VAMP2: variants seen among roughly 807,000 people sequenced by gnomAD.
VAMP2 encodes vesicle-associated membrane protein 2.
For missense variants in VAMP2, 95 were observed against 151.3 expected, an observed-to-expected ratio of 0.63 and a Z score of 1.95; for synonymous variants, 67 against 57.3, an observed-to-expected ratio of 1.17 and a Z score of -0.76.
chr17:8,161,336 A>G, intron 4 of VAMP2, 137 bp downstream of exon 4: 5 of 1,284,488 alleles, frequency 3.9e-6, no homozygotes, highest in Non-Finnish European at 5.3e-6. Flanking sequence ...TTGGCTCTAG[A>G]TGAATCAGAA....
intron 4 of VAMP2, 126 bp from the exon 5 acceptor site, chr17:8,160,997 T>C: frequency 1.3e-6 from 1 of 778,308 alleles, no homozygotes; most frequent in South Asian, 1.7e-5. Flanking sequence ...TGACACCCTC[T>C]CTTGGACTCA....
intron 2 of VAMP2, 34 bp downstream of exon 2, chr17:8,162,215 C>T: frequency 1.3e-6 from 2 of 1,505,508 alleles, no homozygotes; most frequent in Non-Finnish European, 1.8e-6. Flanking sequence ...CCCCCAGGGT[C>T]CCTCCTACTG....
At chr17:8,159,147 C>T (rs1314248508), downstream of VAMP2, 1 of 151,746 alleles carries the variant, frequency 6.6e-6, no homozygotes, top group Non-Finnish European at 1.5e-5. Flanking sequence ...TTAGACAACA[C>T]CTGGTTACTC....
In VAMP2 at chr17:8,160,876, GGA is replaced by G. The variant is rs755768049; in HGVS notation, c.335-7_335-6del. 1.1e-5 allele frequency: 17 copies of G among 1,609,250 alleles called. No individual in the cohort carries two copies. Among genetic ancestry groups the G allele is most frequent in the Admixed American group, 3.3e-5 (2 of 59,834 alleles). ...GGATTTAAGTGCTGAAGTAAACTGTGGAGAGAGGGGAAGAAGATGAGGAAGAG... is the reference window on the plus strand; with the variant it reads ...GGATTTAAGTGCTGAAGTAAACTGTGGAGAGGGGAAGAAGATGAGGAAGAG... On this transcript the variant is annotated splice_region_variant and splice_polypyrimidine_tract_variant and intron_variant, in intron 4 of 4. Transcript: ENST00000316509.
At chr17:8,161,566 C>T in intron 3 of VAMP2, 42 bp from the exon 4 acceptor site, 1 of 1,613,992 alleles carries the variant, frequency 6.2e-7, no homozygotes, top group Non-Finnish European at 8.5e-7. Flanking sequence ...AACTATGATA[C>T]CCCATTCACC....
rs1476827091 is a variant in VAMP2 at position 8,160,486 on chromosome 17, T to C, written c.*369A>G. ...GGCCAGGGTGGGAGGAAGGATCAGC[T>C]AAATCTGAGGGAAGAAGAAGGAAAG... On this transcript the variant is annotated 3_prime_UTR_variant, in exon 5 of 5. Coordinates refer to ENST00000316509, the MANE Select transcript of VAMP2 (RefSeq NM_014232.3). The C allele has an allele frequency of 7.2e-6, 1 of 138,768 alleles. No homozygotes were observed. The highest frequency in any genetic ancestry group is 1.5e-5 in the Non-Finnish European group (1 of 66,320). 8.6% of individuals were successfully genotyped at this position (138,768 alleles called of 1,614,324 possible).
rs1272299055 is a variant in VAMP2 at position 8,160,683 on chromosome 17, AATATT to A, written c.*167_*171del. ...AACTACAAACAGACCAAATATATATAATATTATATATGTATAAATAACAGCTGGCT... is the reference window on the plus strand; with the variant it reads ...AACTACAAACAGACCAAATATATATAATATATGTATAAATAACAGCTGGCT... On this transcript the variant is annotated 3_prime_UTR_variant, in exon 5 of 5. Coordinates refer to ENST00000316509, the MANE Select transcript of VAMP2 (RefSeq NM_014232.3). The A allele has an allele frequency of 1.7e-5, 7 of 403,728 alleles. No homozygotes were observed. The highest frequency in any genetic ancestry group is 2.9e-5 in the Non-Finnish European group (7 of 239,486). The allele number at this position is 403,728 out of a possible 1,614,324, so 25.0% of individuals were successfully genotyped here.
Position 8,160,721 on chromosome 17 carries a change from G to T in VAMP2, c.*134C>A, listed in dbSNP as rs1393822989. ...TATAAATAACAGCTGGCTATTTACA[G>T]GGGGACACACACACGGACACACACA... On this transcript the variant is annotated 3_prime_UTR_variant, in exon 5 of 5. Coordinates refer to ENST00000316509, the MANE Select transcript of VAMP2 (RefSeq NM_014232.3). The T allele has an allele frequency of 1.3e-5, 9 of 684,660 alleles. No homozygotes were observed. The East Asian group carries it at 2.6e-4, about 20-fold the overall frequency. The allele number at this position is 684,660 out of a possible 1,614,324, so 42.4% of individuals were successfully genotyped here.
At chr17:8,161,566 C>A (rs1319790215) in intron 3 of VAMP2, 42 bp from the exon 4 acceptor site, 2 of 1,613,992 alleles carry the variant, frequency 1.2e-6, no homozygotes, top group South Asian at 1.1e-5. Flanking sequence ...AACTATGATA[C>A]CCCATTCACC....
chr17:8,162,903 T>G lies in VAMP2; in HGVS notation c.-24A>C. On this transcript the variant is annotated 5_prime_UTR_variant, in exon 1 of 5. Coordinates refer to ENST00000316509, the MANE Select transcript of VAMP2 (RefSeq NM_014232.3). ...ATGGCGGGGGCAGCGGGTGGAGGAC[T>G]TGGCAGCGGCAGTGATGGCGGCGGC... is the stretch of plus-strand genomic sequence containing the variant. 1 of 1,210,296 alleles carries G rather than the reference T, an allele frequency of 8.3e-7. No homozygotes were observed. The highest frequency in any genetic ancestry group is 1.6e-5 in the African/African-American group (1 of 63,534). The allele number at this position is 1,210,296 out of a possible 1,614,324, so 75.0% of individuals were successfully genotyped here.
In VAMP2 at chr17:8,162,864, G is replaced by A; in HGVS notation, c.2+14C>T. On this transcript the variant is annotated intron_variant, in intron 1 of 4. Coordinates refer to ENST00000316509, the MANE Select transcript of VAMP2 (RefSeq NM_014232.3). Reference sequence around the variant, plus strand: ...GCAGGGAAGCGCGGTGAGGGTGGCGGGCGGCCGACTCACATGGCGGGGGCA... The same window carrying A: ...GCAGGGAAGCGCGGTGAGGGTGGCGAGCGGCCGACTCACATGGCGGGGGCA... 1.6e-6 allele frequency: 2 copies of A among 1,213,838 alleles called. No individual in the cohort carries two copies. Among genetic ancestry groups the A allele is most frequent in the Non-Finnish European group, 2.0e-6 (2 of 976,316 alleles). The allele number at this position is 1,213,838 out of a possible 1,614,324, so 75.2% of individuals were successfully genotyped here. A position where few individuals can be genotyped will look rare whatever the true frequency, so the allele number is the denominator to read the frequency against.
In VAMP2 at chr17:8,161,492, G is replaced by A. The variant is rs750686969; in HGVS notation, c.315C>T (p.Ile105=). Residue 105 remains isoleucine, a synonymous_variant, in exon 4 of 5, where the codon ATC becomes ATT. Coordinates refer to ENST00000316509, the MANE Select transcript of VAMP2 (RefSeq NM_014232.3). The part of the protein sequence containing the change: ...MMIILGVICA[I]ILIIIIVYFS... Reference sequence around the variant, plus strand: ...ACTCACCTATGATGATGATGAGGATGATGGCGCAAATCACTCCCAAGATGA... The same window carrying A: ...ACTCACCTATGATGATGATGAGGATAATGGCGCAAATCACTCCCAAGATGA... 1.9e-6 allele frequency: 3 copies of A among 1,614,192 alleles called. No individual in the cohort carries two copies. Among genetic ancestry groups the A allele is most frequent in the Non-Finnish European group, 2.5e-6 (3 of 1,180,024 alleles).
chr17:8,162,836 G>C, intron 1 of VAMP2, 42 bp downstream of exon 1: 1 of 1,214,152 alleles, frequency 8.2e-7, no homozygotes, highest in Non-Finnish European at 1.0e-6. Flanking sequence ...GGCGGCGGCC[G>C]GCGCAGGGAA....
Position 8,160,394 on chromosome 17 carries a change from T to TTTTTTTTTGTTTG in VAMP2, c.*460_*461insCAAACAAAAAAAA, listed in dbSNP as rs1567543395. 1 of 129,452 alleles carries TTTTTTTTTGTTTG rather than the reference T, an allele frequency of 7.7e-6. No individual in the cohort carries two copies. Among genetic ancestry groups the TTTTTTTTTGTTTG allele is most frequent in the Non-Finnish European group, 1.7e-5 (1 of 59,738 alleles). The allele number at this position is 129,452 out of a possible 1,614,324, so 8.0% of individuals were successfully genotyped here. A position where few individuals can be genotyped will look rare whatever the true frequency, so the allele number is the denominator to read the frequency against. Reference sequence around the variant, plus strand: ...CAGGTGCTGTTGTTTTTTTTTTTTTTTTTTTTTTTTTGAGGGCGGGGCAGA... The same window carrying TTTTTTTTTGTTTG: ...CAGGTGCTGTTGTTTTTTTTTTTTTTTTTTTTTTGTTTGTTTTTTTTTTTGAGGGCGGGGCAGA... On this transcript the variant is annotated 3_prime_UTR_variant, in exon 5 of 5. Coordinates refer to ENST00000316509, the MANE Select transcript of VAMP2 (RefSeq NM_014232.3).
Position 8,159,298 on chromosome 17 carries a change from A to T in VAMP2, c.*1557T>A, listed in dbSNP as rs1983218258. On this transcript the variant is annotated 3_prime_UTR_variant, in exon 5 of 5. Transcript: ENST00000316509. ...CACCCCCACCTCCAGCATCTCTCCT[A>T]CCCTTTCACACCACAGCTTAGATAT... The T allele has an allele frequency of 6.6e-6, 1 of 151,758 alleles. No homozygotes were observed. The allele number at this position is 151,758 out of a possible 1,614,324, so 9.4% of individuals were successfully genotyped here.
In VAMP2 at chr17:8,159,277, C is replaced by G. The variant is rs1483190380; in HGVS notation, c.*1578G>C. 6.6e-6 allele frequency: 1 copy of G among 152,026 alleles called. No individual in the cohort carries two copies. Among genetic ancestry groups the G allele is most frequent in the South Asian group, 2.1e-4 (1 of 4,822 alleles). 9.4% of individuals were successfully genotyped at this position (152,026 alleles called of 1,614,324 possible). ...TATGGGGGGTCTAAAACACAGCACC[C>G]CCACCTCCAGCATCTCTCCTACCCT... is the stretch of plus-strand genomic sequence containing the variant. On this transcript the variant is annotated 3_prime_UTR_variant, in exon 5 of 5. Transcript: ENST00000316509.
rs1326958354 is a variant in VAMP2 at position 8,160,346 on chromosome 17, A to T, written c.*509T>A. 3 of 144,386 alleles carry T rather than the reference A, an allele frequency of 2.1e-5. No individual in the cohort carries two copies. The highest frequency in any genetic ancestry group is 2.1e-4 in the East Asian group (1 of 4,800). 8.9% of individuals were successfully genotyped at this position (144,386 alleles called of 1,614,324 possible). ...CAGAGCCTCCCAATGGATACAAAGA[A>T]GATGTACCTAAGGAAGCCTGGACAG... is the stretch of plus-strand genomic sequence containing the variant. On this transcript the variant is annotated 3_prime_UTR_variant, in exon 5 of 5. Coordinates refer to ENST00000316509, the MANE Select transcript of VAMP2 (RefSeq NM_014232.3).
chr17:8,160,472 G>T lies in VAMP2; in HGVS notation c.*383C>A, dbSNP rs1156337423. 2 of 146,724 alleles carry T rather than the reference G, an allele frequency of 1.4e-5. No homozygotes were observed. The highest frequency in any genetic ancestry group is 5.1e-5 in the African/African-American group (2 of 39,330). 9.1% of individuals were successfully genotyped at this position (146,724 alleles called of 1,614,324 possible). On this transcript the variant is annotated 3_prime_UTR_variant, in exon 5 of 5. Coordinates refer to ENST00000316509, the MANE Select transcript of VAMP2 (RefSeq NM_014232.3). ...AAAGAGGAAAGGAAGGCCAGGGTGG[G>T]AGGAAGGATCAGCTAAATCTGAGGG...
At chr17:8,162,596 C>A (rs1330758107) in intron 1 of VAMP2, 2 of 1,432,058 alleles carry the variant, frequency 1.4e-6, no homozygotes, top group African/African-American at 1.5e-5. Flanking sequence ...TGAGGGCGAC[C>A]TCACAGATGC....
Sources: allele counts gnomAD v4.1 joint callset, GRCh38; gene constraint gnomAD v4.1.1; transcripts MANE v1.5; gene names NCBI Gene and HGNC (gene_info 2026-07-23, HGNC 2026-07-21).